ETFA: variants seen among roughly 807,000 people sequenced by gnomAD.
ETFA encodes electron transfer flavoprotein subunit alpha.
ETFA carries 22 observed loss-of-function variants against 46.2 expected under a neutral mutation model. The ratio of observed to expected loss-of-function variants is 0.48; its 90% confidence interval spans 0.34 to 0.68. ETFA has a LOEUF of 0.68. Among genes scored for constraint, ETFA ranks in the 30% least tolerant of loss-of-function variants. ETFA has a pLI of 0.01. For synonymous variants in ETFA, 131 were observed against 139.9 expected (o/e 0.94, Z 0.45); for missense variants, 345 against 401.1 (o/e 0.86, Z 1.19).
intron 9 of ETFA, chr15:76,259,790 C>T: frequency 6.2e-7 from 1 of 1,603,620 alleles, no homozygotes; most frequent in East Asian, 2.2e-5. Context: ...GTACTCCATG[C>T]TGCAGGCAAT....
At position 76,231,346 on chromosome 15, in the gene ETFA, A is replaced by C; in HGVS notation, c.869T>G (p.Met290Arg). The stretch of plus-strand genomic sequence containing the variant: ...ATGTACAATTACCTTGCTGTCTTTC[A>C]TCCCAGCTAAATGTTGGATGGCTCC... ...ISGAIQHLAG[M>R]KDSKTIVAIN... is the part of the protein sequence containing the mutation. The change falls in exon 10 of 12, where the codon ATG (methionine) becomes AGG (arginine). Residue 290 changes from methionine (M) to arginine (R), a missense_variant. Transcript: ENST00000557943. The C allele has an allele frequency of 6.2e-7, 1 of 1,604,090 alleles. No homozygotes were observed. The highest frequency in any genetic ancestry group is 8.5e-7 in the Non-Finnish European group (1 of 1,170,844).
intron 9 of ETFA, among the ~76,000 whole-genome samples, chr15:76,240,421 TAAGCA>T (rs1204605559): frequency 6.6e-6 from 1 of 152,248 alleles, no homozygotes; most frequent in Non-Finnish European, 1.5e-5. Context: ...TATAGGGAAC[TAAGCA>T]AATGTCTTCT....
intron 2 of ETFA, 22 bp downstream of exon 2, chr15:76,295,569 G>A: frequency 1.9e-6 from 3 of 1,603,080 alleles, no homozygotes; most frequent in South Asian, 2.2e-5. Flanking sequence ...ATTTGCTATG[G>A]CTGACCTTAA....
At chr15:76,252,878 C>A (rs897841057) in intron 9 of ETFA, among the ~76,000 whole-genome samples, 2 of 137,826 alleles carry the variant, frequency 1.5e-5, no homozygotes, top group Non-Finnish European at 3.2e-5. Flanking sequence ...TATGTGTATA[C>A]ACACACACAC....
intron 8 of ETFA, among the ~76,000 whole-genome samples, chr15:76,277,638 G>C (rs911966880): frequency 6.6e-6 from 1 of 152,212 alleles, no homozygotes; most frequent in Non-Finnish European, 1.5e-5. Context: ...AAGTAGCTGA[G>C]ACTACAGGTG....
intron 8 of ETFA, among the ~76,000 whole-genome samples, chr15:76,279,465 C>G (rs148950182): frequency 1.3e-5 from 2 of 152,064 alleles, no homozygotes; most frequent in African/African-American, 2.4e-5. Context: ...TTTGTAGAGA[C>G]GGGGTTTTGC....
In ETFA at chr15:76,288,263, T is replaced by C. The variant is rs1198059737; in HGVS notation, c.352-318A>G. Among the ~76,000 whole-genome samples, 7 of 152,328 alleles carry C rather than the reference T, an allele frequency of 4.6e-5. No homozygotes were observed. In the South Asian group the frequency reaches 6.2e-4, roughly 14 times the overall value. On this transcript the variant is annotated intron_variant, in intron 4 of 11. Coordinates refer to ENST00000557943, the MANE Select transcript of ETFA (RefSeq NM_000126.4). ...ACCAAGTGTGACAGTTGTGGATTATTGAATTTAGATAAGAAAAGATAGAAC... is the reference window on the plus strand; with the variant it reads ...ACCAAGTGTGACAGTTGTGGATTATCGAATTTAGATAAGAAAAGATAGAAC...
At chr15:76,283,701 G>C in intron 8 of ETFA, 56 bp downstream of exon 8, 1 of 1,172,216 alleles carries the variant, frequency 8.5e-7, no homozygotes, top group Non-Finnish European at 1.3e-6. Context: ...AAATAATGAA[G>C]AAAAAATATT....
chr15:76,277,882 T>C (rs974805720), intron 8 of ETFA, among the ~76,000 whole-genome samples: 2 of 152,168 alleles, frequency 1.3e-5, no homozygotes, highest in Non-Finnish European at 2.9e-5. Context: ...CCAGCTCCTG[T>C]GGAGGTTGCT....
chr15:76,264,639 A>T (rs1317721442), intron 9 of ETFA, among the ~76,000 whole-genome samples: 1 of 152,226 alleles, frequency 6.6e-6, no homozygotes, highest in African/African-American at 2.4e-5. Context: ...TGATAATGCT[A>T]ATGCAGAGTG....
intron 4 of ETFA, among the ~76,000 whole-genome samples, chr15:76,290,189 T>TA (rs1567217279): frequency 6.6e-6 from 1 of 152,206 alleles, no homozygotes; most frequent in Non-Finnish European, 1.5e-5. Flanking sequence ...AGCCCATGTT[T>TA]ACACAGATAC....
intron 8 of ETFA, among the ~76,000 whole-genome samples, chr15:76,275,613 C>T (rs1247835406): frequency 6.6e-6 from 1 of 152,158 alleles, no homozygotes; most frequent in Non-Finnish European, 1.5e-5. Flanking sequence ...ATAACTGACA[C>T]AGTTGGATTA....
intron 9 of ETFA, among the ~76,000 whole-genome samples, chr15:76,266,435 C>T (rs922907532): frequency 1.3e-5 from 2 of 152,098 alleles, no homozygotes; most frequent in Non-Finnish European, 2.9e-5. Flanking sequence ...GTTATATTAT[C>T]CATTACATGG....
At chr15:76,303,968 C>T (rs1463577788) in intron 1 of ETFA, among the ~76,000 whole-genome samples, 1 of 152,250 alleles carries the variant, frequency 6.6e-6, no homozygotes, top group Non-Finnish European at 1.5e-5. Flanking sequence ...ACCATTCTAC[C>T]ATAAAGATAC....
intron 1 of ETFA, among the ~76,000 whole-genome samples, chr15:76,301,992 A>G (rs2039884419): frequency 6.6e-6 from 1 of 152,208 alleles, no homozygotes; most frequent in Non-Finnish European, 1.5e-5. Context: ...AGATACCACT[A>G]CACACTTATT....
chr15:76,278,527 G>T (rs2039618953), intron 8 of ETFA, among the ~76,000 whole-genome samples: 1 of 152,142 alleles, frequency 6.6e-6, no homozygotes, highest in Non-Finnish European at 1.5e-5. Flanking sequence ...TTCTCCTGTA[G>T]TTCAGCATTA....
chr15:76,292,763 C>A lies in ETFA; in HGVS notation c.187-63G>T. The A allele has an allele frequency of 2.8e-6, 3 of 1,069,912 alleles. No individual in the cohort carries two copies. The South Asian group carries it at 3.8e-5, about 13-fold the overall frequency. 66.3% of individuals were successfully genotyped at this position (1,069,912 alleles called of 1,614,324 possible). A position where few individuals can be genotyped will look rare whatever the true frequency, so the allele number is the denominator to read the frequency against. On this transcript the variant is annotated intron_variant, in intron 2 of 11. Coordinates refer to ENST00000557943, the MANE Select transcript of ETFA (RefSeq NM_000126.4). ...CAGAAATATACAAATAAAGCCACCA[C>A]TATAAATATCAACAGATCATAAAAT...
chr15:76,274,202 C>T (rs961153407), intron 9 of ETFA: 1 of 560,666 alleles, frequency 1.8e-6, no homozygotes, highest in Non-Finnish European at 3.2e-6. Context: ...CTTTAAAATA[C>T]TTGAATAATA....
chr15:76,274,634 ACTT>A, intron 8 of ETFA, 140 bp from the exon 9 acceptor site: 2 of 749,228 alleles, frequency 2.7e-6, no homozygotes, highest in South Asian at 3.1e-5. Context: ...TCAAGGAATA[ACTT>A]CTTTTTATAC....
Sources: allele counts gnomAD v4.1 joint callset (sites outside exome capture counted in the v4.1 genomes callset), GRCh38; gene constraint gnomAD v4.1.1; transcripts MANE v1.5; gene names NCBI Gene and HGNC (gene_info 2026-07-23, HGNC 2026-07-21).